CYP7B1: variants seen among roughly 807,000 people sequenced by gnomAD.
CYP7B1 encodes the protein cytochrome P450 family 7 subfamily B member 1, also known as cytochrome P450 7B1.
CYP7B1 carries 29 observed loss-of-function variants against 42.7 expected under a neutral mutation model. That is an observed-to-expected ratio of 0.68 (90% CI 0.51 to 0.93). CYP7B1 has a LOEUF of 0.93. Ranked by LOEUF, CYP7B1 falls within the 40% of genes least tolerant of loss-of-function variation. CYP7B1 has a pLI of 0.00. For missense variants in CYP7B1, 655 were observed against 600.5 expected (o/e 1.09, Z -0.95); for synonymous variants, 235 against 218.2 (o/e 1.08, Z -0.68).
chr8:64,798,556 C>T lies in CYP7B1; in HGVS notation c.32G>A (p.Arg11His). 1 of 1,491,734 alleles carries T rather than the reference C, an allele frequency of 6.7e-7. No homozygotes were observed. Among genetic ancestry groups the T allele is most frequent in the Non-Finnish European group, 8.8e-7 (1 of 1,129,966 alleles). The allele number at this position is 1,491,734 out of a possible 1,614,324, so 92.4% of individuals were successfully genotyped here. A position where few individuals can be genotyped will look rare whatever the true frequency, so the allele number is the denominator to read the frequency against. Residue 11 changes from arginine (R) to histidine (H), a missense_variant, in exon 1 of 6, where the codon CGC (arginine) becomes CAC (histidine). Physicochemically the swap from Arg to His is conservative, Grantham distance 29. Transcript: ENST00000310193. MAGEVSAATG[R>H]FSLERLGLPG... The stretch of plus-strand genomic sequence containing the variant: ...GAGGCCCAACCGCTCCAGCGAAAAG[C>T]GGCCCGTGGCCGCGGACACTTCTCC...
At position 64,593,281 on chromosome 8, in the gene CYP7B1, G is replaced by A. The variant is rs942005661; in HGVS notation, c.*3361C>T. ...TGTGTGTGTGTGTGTGTGTGTGTGT[G>A]TGTGTAATCCAAGGCCTTTGCATAA... is the stretch of plus-strand genomic sequence containing the variant. On this transcript the variant is annotated 3_prime_UTR_variant, in exon 6 of 6. Transcript: ENST00000310193. Among the ~76,000 whole-genome samples the A allele has an allele frequency of 7.6e-6, 1 of 132,408 alleles. No homozygotes were observed. Among genetic ancestry groups the A allele is most frequent in the African/African-American group, 3.2e-5 (1 of 31,376 alleles). The allele number at this position is 132,408 out of a possible 152,430, so 86.9% of individuals were successfully genotyped here. A position where few individuals can be genotyped will look rare whatever the true frequency, so the allele number is the denominator to read the frequency against.
intron 1 of CYP7B1, among the ~76,000 whole-genome samples, chr8:64,735,330 G>A (rs913553339): frequency 9.2e-5 from 14 of 152,128 alleles, no homozygotes; most frequent in Non-Finnish European, 2.1e-4. Context: ...CAGAGTAGAA[G>A]TTACCCTTTT....
intron 1 of CYP7B1, among the ~76,000 whole-genome samples, chr8:64,634,580 A>T (rs35124760): frequency 6.6e-6 from 1 of 151,964 alleles, no homozygotes; most frequent in Non-Finnish European, 1.5e-5. Context: ...CTCCATCTCA[A>T]AAAAGAAAAA....
At chr8:64,789,284 A>G (rs1040444542) in intron 1 of CYP7B1, among the ~76,000 whole-genome samples, 1 of 152,198 alleles carries the variant, frequency 6.6e-6, no homozygotes, top group Non-Finnish European at 1.5e-5. Context: ...TTTATTTTAA[A>G]ACAAAAATGT....
Position 64,604,726 on chromosome 8 carries a change from G to A in CYP7B1, c.1189C>T (p.Pro397Ser). ...VRKGDLVAIF[P>S]PVLHGDPEIF... is the part of the protein sequence containing the mutation. ...TCAGGGTCACCATGTAGGACTGGAG[G>A]AAAGATGGCTACCAAGTCTCCCTTT... Residue 397 changes from proline to serine, a missense_variant, in exon 5 of 6, where the codon CCT (proline) becomes TCT (serine). Physicochemically the swap from Pro to Ser is moderately conservative, Grantham distance 74. Coordinates refer to ENST00000310193, the MANE Select transcript of CYP7B1 (RefSeq NM_004820.5). 1 of 1,614,122 alleles carries A rather than the reference G, an allele frequency of 6.2e-7. No individual in the cohort carries two copies. Among genetic ancestry groups the A allele is most frequent in the Non-Finnish European group, 8.5e-7 (1 of 1,180,026 alleles).
intron 1 of CYP7B1, among the ~76,000 whole-genome samples, chr8:64,663,656 G>C (rs544537967): frequency 6.6e-6 from 1 of 152,102 alleles, no homozygotes; most frequent in Non-Finnish European, 1.5e-5. Flanking sequence ...TCAAATCCTG[G>C]GTTCTCTCTT....
intron 1 of CYP7B1, among the ~76,000 whole-genome samples, chr8:64,699,337 G>T (rs1563396500): frequency 6.6e-6 from 1 of 151,942 alleles, no homozygotes; most frequent in Non-Finnish European, 1.5e-5. Flanking sequence ...ATTTTTAGAG[G>T]TTTTTTTAAA....
At chr8:64,740,701 T>C (rs1807555255) in intron 1 of CYP7B1, among the ~76,000 whole-genome samples, 1 of 151,944 alleles carries the variant, frequency 6.6e-6, no homozygotes, top group Non-Finnish European at 1.5e-5. Context: ...GTTAAAAGAT[T>C]CATATAGGAA....
chr8:64,706,165 A>T (rs557375054), intron 1 of CYP7B1, among the ~76,000 whole-genome samples: 1 of 152,148 alleles, frequency 6.6e-6, no homozygotes, highest in East Asian at 1.9e-4. Flanking sequence ...CTGAAAACAT[A>T]GTTGGTAGAA....
At chr8:64,648,997 A>G (rs1450518596) in intron 1 of CYP7B1, among the ~76,000 whole-genome samples, 1 of 152,218 alleles carries the variant, frequency 6.6e-6, no homozygotes, top group African/African-American at 2.4e-5. Context: ...GTAACAAATA[A>G]TATTAAATTT....
rs140354596 is a variant in CYP7B1, at chr8:64,783,158, T to C, written c.122+15308A>G. Among the ~76,000 whole-genome samples, 170 of 152,292 alleles carry C rather than the reference T, an allele frequency of 1.1e-3. 1 individual carries two copies. The highest frequency in any genetic ancestry group is 3.8e-3 in the African/African-American group (160 of 41,562). On this transcript the variant is annotated intron_variant, in intron 1 of 5. Coordinates refer to ENST00000310193, the MANE Select transcript of CYP7B1 (RefSeq NM_004820.5). ...AGCTGTCCACATCCTTTTCCTATAT[T>C]TTATTATAAGAAAAGGGGAAGAAAC... is the stretch of plus-strand genomic sequence containing the variant.
intron 1 of CYP7B1, among the ~76,000 whole-genome samples, chr8:64,747,115 G>A (rs1180399212): frequency 1.3e-5 from 2 of 148,708 alleles, no homozygotes; most frequent in East Asian, 1.9e-4. Context: ...TATATTTATT[G>A]TTATTTATAG....
chr8:64,630,501 TCATA>T (rs1439833434), intron 1 of CYP7B1, among the ~76,000 whole-genome samples: 1 of 152,260 alleles, frequency 6.6e-6, no homozygotes, highest in Admixed American at 6.5e-5. Context: ...TCCTTGCTAT[TCATA>T]TTTTGCAAGC....
rs866938545 is a variant in CYP7B1 at position 64,593,900 on chromosome 8, G to A, written c.*2742C>T. ...CATATATGAAGAACAAAAGGGAATC[G>A]TAAAACTGAAAAATGTAATGATTGA... On this transcript the variant is annotated 3_prime_UTR_variant, in exon 6 of 6. Coordinates refer to ENST00000310193, the MANE Select transcript of CYP7B1 (RefSeq NM_004820.5). 3.9e-5 allele frequency among the ~76,000 whole-genome samples: 6 copies of A among 152,232 alleles called. No homozygotes were observed. Among genetic ancestry groups the A allele is most frequent in the East Asian group, 3.9e-4 (2 of 5,178 alleles).
chr8:64,712,616 G>A (rs561116702), intron 1 of CYP7B1, among the ~76,000 whole-genome samples: 33 of 150,626 alleles, frequency 2.2e-4, no homozygotes, highest in African/African-American at 6.8e-4. Context: ...TTATAAATGT[G>A]GATATATTTT....
At chr8:64,729,027 G>A (rs979026784) in intron 1 of CYP7B1, 13 of 152,166 alleles carry the variant, frequency 8.5e-5, no homozygotes, top group Admixed American at 7.2e-4. Context: ...GGGCATGGTG[G>A]TGTACTCCTG....
chr8:64,614,721 C>T (rs1563543133), intron 4 of CYP7B1, among the ~76,000 whole-genome samples: 1 of 152,162 alleles, frequency 6.6e-6, no homozygotes, highest in Non-Finnish European at 1.5e-5. Flanking sequence ...TGTTGGAAAG[C>T]ATTAGCACAT....
chr8:64,783,558 G>A (rs80077733), intron 1 of CYP7B1, among the ~76,000 whole-genome samples: 4 of 146,708 alleles, frequency 2.7e-5, no homozygotes, highest in African/African-American at 5.0e-5. Context: ...TTTTTTTTTG[G>A]TCCAAATAGC....
intron 1 of CYP7B1, among the ~76,000 whole-genome samples, chr8:64,663,774 T>C (rs78979539): frequency 0.067 from 10,161 of 152,108 alleles, 404 homozygotes; most frequent in South Asian, 0.16. Flanking sequence ...CTCTCTTCAT[T>C]CTTTCTCTAA....
Sources: gnomAD v4.1 joint callset for allele counts (sites outside exome capture counted in the v4.1 genomes callset) on GRCh38, gnomAD v4.1.1 for gene constraint, MANE v1.5 for transcripts, NCBI Gene and HGNC (gene_info 2026-07-23, HGNC 2026-07-21) for gene names.